The following THSD4 variants were observed in gnomAD, a reference collection of about 807,000 sequenced individuals.
THSD4 encodes thrombospondin type 1 domain containing 4, also known as thrombospondin type-1 domain-containing protein 4.
Under a neutral mutation model 119.0 loss-of-function variants are expected in THSD4, and 69 were observed. That is an observed-to-expected ratio of 0.58 (90% CI 0.48 to 0.71). THSD4 has a LOEUF of 0.71. Ranked by LOEUF, THSD4 falls within the 30% of genes least tolerant of loss-of-function variation. The pLI, the probability that THSD4 is intolerant of heterozygous loss-of-function variation, is 0.00. For synonymous variants in THSD4, 524 were observed against 540.4 expected (o/e 0.97, Z 0.42); for missense variants, 1,393 against 1,391.1 (o/e 1.00, Z -0.02).
intron 7 of THSD4, among the ~76,000 whole-genome samples, chr15:71,521,704 T>G (rs2048443546): frequency 6.6e-6 from 1 of 151,316 alleles, no homozygotes; most frequent in African/African-American, 2.5e-5. Context: ...TAGATCAGTT[T>G]GGGGTTTTTT....
At chr15:71,141,168 C>T (rs1234273460) in intron 1 of THSD4, among the ~76,000 whole-genome samples, 1 of 152,218 alleles carries the variant, frequency 6.6e-6, no homozygotes, top group African/African-American at 2.4e-5. Flanking sequence ...ACAAGTGTGC[C>T]TAGCACCAGC....
At chr15:71,643,347 G>C (rs1483879524) in intron 7 of THSD4, among the ~76,000 whole-genome samples, 1 of 152,080 alleles carries the variant, frequency 6.6e-6, no homozygotes, top group African/African-American at 2.4e-5. Context: ...TACATGTGCA[G>C]GTTTGTTGTA....
At chr15:71,625,634 C>G (rs746337257) in intron 7 of THSD4, among the ~76,000 whole-genome samples, 3 of 152,232 alleles carry the variant, frequency 2.0e-5, no homozygotes, top group Non-Finnish European at 4.4e-5. Flanking sequence ...TTGTGTTTAT[C>G]TTGACAAATA....
intron 8 of THSD4, among the ~76,000 whole-genome samples, chr15:71,713,600 G>A (rs545345997): frequency 6.2e-4 from 94 of 152,216 alleles, no homozygotes; most frequent in Non-Finnish European, 1.1e-3. Context: ...CCCTCCCATC[G>A]CCATGACAAC....
At chr15:71,711,898 C>G (rs1365948327) in intron 8 of THSD4, among the ~76,000 whole-genome samples, 2 of 152,070 alleles carry the variant, frequency 1.3e-5, no homozygotes, top group African/African-American at 2.4e-5. Context: ...AACTCTAAAA[C>G]ACATGAAGCA....
At chr15:71,436,229 T>C (rs1012852201) in intron 7 of THSD4, among the ~76,000 whole-genome samples, 1 of 152,202 alleles carries the variant, frequency 6.6e-6, no homozygotes, top group African/African-American at 2.4e-5. Flanking sequence ...TTTAGGCCTA[T>C]GTTCTATCCT....
chr15:71,218,027 C>T (rs1381285230), intron 4 of THSD4, among the ~76,000 whole-genome samples: 1 of 152,000 alleles, frequency 6.6e-6, no homozygotes, highest in Non-Finnish European at 1.5e-5. Context: ...CCGCTTCGGC[C>T]TCCCAAAGTG....
At chr15:71,669,995 T>C (rs573809863) in intron 8 of THSD4, among the ~76,000 whole-genome samples, 82 of 152,368 alleles carry the variant, frequency 5.4e-4, no homozygotes, top group Admixed American at 1.2e-3. Context: ...TAGTTTGCCT[T>C]GCAATTTCCT....
chr15:71,301,110 T>A (rs1029370288), intron 6 of THSD4, among the ~76,000 whole-genome samples: 1 of 152,134 alleles, frequency 6.6e-6, no homozygotes, highest in Non-Finnish European at 1.5e-5. Context: ...TCATTACAGG[T>A]TGGAGGGTTT....
At chr15:71,301,754 G>C (rs1021753318) in intron 6 of THSD4, among the ~76,000 whole-genome samples, 6 of 152,112 alleles carry the variant, frequency 3.9e-5, no homozygotes. Context: ...TTACAATGCA[G>C]AGTTTCGAAG....
At chr15:71,570,256 T>C (rs942306991) in intron 7 of THSD4, among the ~76,000 whole-genome samples, 2 of 152,188 alleles carry the variant, frequency 1.3e-5, no homozygotes, top group African/African-American at 4.8e-5. Context: ...GGTTTACAAA[T>C]GGCTTTCTCG....
At chr15:71,170,419 T>G (rs1027993605) in intron 3 of THSD4, among the ~76,000 whole-genome samples, 9 of 152,102 alleles carry the variant, frequency 5.9e-5, no homozygotes, top group Non-Finnish European at 1.3e-4. Flanking sequence ...TAGGCATACT[T>G]TAAAAACTCA....
intron 7 of THSD4, among the ~76,000 whole-genome samples, chr15:71,573,162 T>A (rs1183886851): frequency 6.6e-6 from 1 of 152,156 alleles, no homozygotes; most frequent in Admixed American, 6.5e-5. Flanking sequence ...GGGTGAGGAA[T>A]CCGAGCCTCC....
chr15:71,229,462 A>G (rs2044043910), intron 4 of THSD4, among the ~76,000 whole-genome samples: 1 of 152,232 alleles, frequency 6.6e-6, no homozygotes, highest in Non-Finnish European at 1.5e-5. Flanking sequence ...TAACATACAC[A>G]CATCTTCCTA....
At chr15:71,536,925 A>C (rs2048695598) in intron 7 of THSD4, among the ~76,000 whole-genome samples, 1 of 152,126 alleles carries the variant, frequency 6.6e-6, no homozygotes, top group African/African-American at 2.4e-5. Flanking sequence ...TTTGTCTTAA[A>C]ATGTAACATC....
chr15:71,554,830 C>A (rs1011252813), intron 7 of THSD4, among the ~76,000 whole-genome samples: 6 of 150,478 alleles, frequency 4.0e-5, no homozygotes, highest in Non-Finnish European at 7.4e-5. Flanking sequence ...TATTTTATTT[C>A]TTAAAAAGGC....
chr15:71,263,351 C>G (rs1218387172), intron 6 of THSD4, among the ~76,000 whole-genome samples: 1 of 47,846 alleles, frequency 2.1e-5, no homozygotes. Context: ...ATATATACGA[C>G]ATTTTCTTTA....
At chr15:71,292,257 C>T (rs538093460) in intron 6 of THSD4, among the ~76,000 whole-genome samples, 10 of 151,818 alleles carry the variant, frequency 6.6e-5, no homozygotes, top group East Asian at 3.9e-4. Context: ...TCTGGCATTC[C>T]GGTACGTTGT....
chr15:71,193,664 A>G (rs901170380), intron 3 of THSD4, among the ~76,000 whole-genome samples: 2 of 152,170 alleles, frequency 1.3e-5, no homozygotes, highest in African/African-American at 4.8e-5. Context: ...GTTCCCCCAT[A>G]CTGTTCTCAC....
Sources: allele counts gnomAD v4.1 joint callset (sites outside exome capture counted in the v4.1 genomes callset), GRCh38; gene constraint gnomAD v4.1.1; transcripts MANE v1.5; gene names NCBI Gene and HGNC (gene_info 2026-07-23, HGNC 2026-07-21).